PDXDC1: variants seen among roughly 807,000 people sequenced by gnomAD.
PDXDC1 encodes the protein pyridoxal dependent decarboxylase domain containing 1.
In PDXDC1, 42 loss-of-function variants were observed where a neutral mutation model predicts 100.1. The observed-to-expected ratio is 0.42, with a 90% CI of 0.33 to 0.54. The LOEUF is 0.54. PDXDC1 is among the 20% of genes least tolerant of loss of function. PDXDC1 has a pLI of 0.10. For missense variants in PDXDC1, 636 were observed against 979.2 expected, an observed-to-expected ratio of 0.65 and a Z score of 4.68; for synonymous variants, 260 against 371.7, an observed-to-expected ratio of 0.70 and a Z score of 3.46.
At chr16:15,030,119 C>T in intron 16 of PDXDC1, 63 bp downstream of exon 16, 2 of 1,369,284 alleles carry the variant, frequency 1.5e-6, no homozygotes, top group East Asian at 5.2e-5. Flanking sequence ...GATTAGCTTG[C>T]CCTTATGATA....
intron 16 of PDXDC1, among the ~76,000 whole-genome samples, chr16:15,069,826 G>A (rs2045145772): frequency 6.6e-6 from 1 of 152,180 alleles, no homozygotes; most frequent in Non-Finnish European, 1.5e-5. Context: ...AACTTTCAAA[G>A]GCAGAAACCT....
At chr16:15,042,663 GATT>G (rs1220040401), downstream of PDXDC1, among the ~76,000 whole-genome samples, 1 of 152,120 alleles carries the variant, frequency 6.6e-6, no homozygotes, top group African/African-American at 2.4e-5. Context: ...GCACATTTCA[GATT>G]ATTTTCTTAG....
chr16:15,140,368 C>T (rs1265387872), downstream of PDXDC1, among the ~76,000 whole-genome samples: 7 of 144,460 alleles, frequency 4.8e-5, no homozygotes, highest in Non-Finnish European at 6.0e-5. Context: ...CACTTGAACC[C>T]GGGAGGCAGA....
rs373643496 is a variant in PDXDC1 at position 15,077,223 on chromosome 16, C to T, written c.1399+47167C>T. ...CGAACTCCTGACCTCAGGTGATCCA[C>T]CGGCCTCAGCTTCCCAAAGTGCTGG... On this transcript the variant is annotated intron_variant, in intron 16 of 16. Coordinates refer to the PDXDC1 transcript ENST00000535621. 4.6e-5 allele frequency among the ~76,000 whole-genome samples: 7 copies of T among 152,096 alleles called. No homozygotes were observed. In the South Asian group the frequency reaches 8.3e-4, roughly 18 times the overall value.
rs772777278 is a variant in PDXDC1 at position 15,033,264 on chromosome 16, C to G, written c.1691-14C>G. 3.0e-5 allele frequency: 49 copies of G among 1,613,872 alleles called. No homozygotes were observed. Among genetic ancestry groups the G allele is most frequent in the Non-Finnish European group, 4.2e-5 (49 of 1,179,900 alleles). ...AGGACTGAGAAACTCAAGTTTGTCT[C>G]GTTACCTTTGCAGGCCCTGAGTATA... On this transcript the variant is annotated splice_polypyrimidine_tract_variant and intron_variant, in intron 18 of 22. Coordinates refer to ENST00000396410, the MANE Select transcript of PDXDC1 (RefSeq NM_015027.4).
chr16:15,000,724 G>C (rs1165453696), intron 3 of PDXDC1, among the ~76,000 whole-genome samples: 1 of 152,250 alleles, frequency 6.6e-6, no homozygotes, highest in Non-Finnish European at 1.5e-5. Context: ...ACTCTAAGCA[G>C]ATCTCAAGGT....
chr16:15,044,310 GA>G, intron 16 of PDXDC1: 1 of 1,555,360 alleles, frequency 6.4e-7, no homozygotes. Context: ...CAATTTGGGG[GA>G]AAGAAAAAAA....
chr16:15,031,376 T>C (rs973235340), intron 16 of PDXDC1, among the ~76,000 whole-genome samples: 1 of 152,136 alleles, frequency 6.6e-6, no homozygotes, highest in Admixed American at 6.5e-5. Flanking sequence ...TCCCTTTCTC[T>C]CAGTCATAGG....
intron 3 of PDXDC1, among the ~76,000 whole-genome samples, chr16:15,000,933 A>G (rs1378792689): frequency 6.7e-6 from 1 of 149,168 alleles, no homozygotes; most frequent in Non-Finnish European, 1.5e-5. Context: ...TATATAATGT[A>G]TAGTATATAA....
chr16:14,982,660 A>G (rs1486834305), intron 1 of PDXDC1, among the ~76,000 whole-genome samples: 1 of 152,296 alleles, frequency 6.6e-6, no homozygotes, highest in African/African-American at 2.4e-5. Flanking sequence ...CTCCAATAAG[A>G]TAAACCAGGT....
chr16:15,023,375 G>T (rs2042346267), intron 13 of PDXDC1, among the ~76,000 whole-genome samples: 1 of 152,296 alleles, frequency 6.6e-6, no homozygotes, highest in Non-Finnish European at 1.5e-5. Flanking sequence ...GTCAAATTCT[G>T]ATTTAAATAG....
downstream of PDXDC1, among the ~76,000 whole-genome samples, chr16:15,140,040 T>C (rs907424476): frequency 1.6e-5 from 2 of 121,684 alleles, no homozygotes; most frequent in African/African-American, 6.4e-5. Flanking sequence ...AAGGTTGCAG[T>C]GAGCCAAGAT....
intron 12 of PDXDC1, among the ~76,000 whole-genome samples, chr16:15,020,586 G>A (rs917549721): frequency 2.6e-5 from 4 of 152,282 alleles, no homozygotes; most frequent in Admixed American, 2.0e-4. Context: ...CTACTTGGGA[G>A]GCTGAGGCAG....
chr16:15,084,706 C>G (rs772058239), intron 16 of PDXDC1: 9 of 1,611,656 alleles, frequency 5.6e-6, no homozygotes, highest in Non-Finnish European at 7.6e-6. Flanking sequence ...GCAGGAAGAT[C>G]TGAAAGGAGA....
At chr16:15,042,567 G>C (rs1319389960), downstream of PDXDC1, among the ~76,000 whole-genome samples, 1 of 151,986 alleles carries the variant, frequency 6.6e-6, no homozygotes, top group African/African-American at 2.4e-5. Context: ...TTATTTTTTA[G>C]CGACTACATA....
At chr16:15,075,588 GAAAA>G (rs2045420708) in intron 16 of PDXDC1, among the ~76,000 whole-genome samples, 1 of 81,702 alleles carries the variant, frequency 1.2e-5, no homozygotes, top group Non-Finnish European at 3.5e-5. Context: ...AAAAAAGAAA[GAAAA>G]GAAAGAAAGA....
At chr16:15,152,080 C>T in the PDXDC1 span, among the ~76,000 whole-genome samples, 2 of 149,010 alleles carry the variant, frequency 1.3e-5, 1 homozygote, top group African/African-American at 4.9e-5. Flanking sequence ...CAGAGCAGCA[C>T]GTTTTGCAGT....
chr16:15,064,630 C>A (rs2044876856), intron 16 of PDXDC1, among the ~76,000 whole-genome samples: 2 of 152,190 alleles, frequency 1.3e-5, no homozygotes, highest in Non-Finnish European at 2.9e-5. Flanking sequence ...GTTTAAATAA[C>A]AGTTTAAAGA....
rs201710820 is a variant in PDXDC1, at chr16:15,022,683, G to A, written c.1090-21G>A. On this transcript the variant is annotated intron_variant, in intron 12 of 22. Transcript: ENST00000396410. ...GTCCCACGTCCATCTAATTACATGT[G>A]TTATTTTTTGTCATTTGCAGAGTCA... The A allele has an allele frequency of 6.0e-4, 962 of 1,610,042 alleles. 3 individuals carry two copies. Among genetic ancestry groups the A allele is most frequent in the African/African-American group, 5.1e-3 (382 of 74,858 alleles).
Sources: allele counts gnomAD v4.1 joint callset (sites outside exome capture counted in the v4.1 genomes callset), GRCh38; gene constraint gnomAD v4.1.1; transcripts MANE v1.5; gene names NCBI Gene and HGNC (gene_info 2026-07-23, HGNC 2026-07-21).